Variants in ERN1 observed in about 807,000 individuals in gnomAD.
ERN1 encodes endoplasmic reticulum to nucleus signaling 1.
In ERN1, 39 loss-of-function variants were observed where a neutral mutation model predicts 113.1. The observed-to-expected ratio is 0.34, with a 90% confidence interval of 0.27 to 0.45. ERN1 has a LOEUF of 0.45. Among genes scored for constraint, ERN1 ranks in the 20% least tolerant of loss-of-function variants. The pLI is 1.00. For synonymous variants in ERN1, 507 were observed against 515.9 expected, an observed-to-expected ratio of 0.98 and a Z score of 0.23; for missense variants, 976 against 1,274.8, an observed-to-expected ratio of 0.77 and a Z score of 3.57.
At chr17:64,051,326 T>C (rs1246414198) in intron 17 of ERN1, among the ~76,000 whole-genome samples, 1 of 152,206 alleles carries the variant, frequency 6.6e-6, no homozygotes, top group South Asian at 2.1e-4. Context: ...GATATTCACA[T>C]TGTGCTGAAG....
chr17:64,110,890 G>A (rs1486327582), intron 1 of ERN1, among the ~76,000 whole-genome samples: 1 of 152,228 alleles, frequency 6.6e-6, no homozygotes, highest in Admixed American at 6.5e-5. Flanking sequence ...TCCGAGTTGA[G>A]GCTCGAAAAC....
At chr17:64,067,608 A>G (rs1300975981) in intron 7 of ERN1, among the ~76,000 whole-genome samples, 7 of 150,314 alleles carry the variant, frequency 4.7e-5, no homozygotes, top group Non-Finnish European at 1.0e-4. Flanking sequence ...ACTTGCCTCA[A>G]AAAAAAAAAC....
In ERN1 at chr17:64,075,941, C is replaced by T. The variant is rs117210455; in HGVS notation, c.283-694G>A. On this transcript the variant is annotated intron_variant, in intron 4 of 21. Coordinates refer to ENST00000433197, the MANE Select transcript of ERN1 (RefSeq NM_001433.5). ...TCAAGCTTCGAGGGAAAGGAGAAGTCGCCATTACAGGGGCAACACAAGAGT... is the reference window on the plus strand; with the variant it reads ...TCAAGCTTCGAGGGAAAGGAGAAGTTGCCATTACAGGGGCAACACAAGAGT... Among the ~76,000 whole-genome samples the T allele has an allele frequency of 1.1e-4, 16 of 152,244 alleles. No homozygotes were observed. The East Asian group carries it at 1.5e-3, about 15-fold the overall frequency.
At chr17:64,055,625 A>T (rs1487679675) in intron 13 of ERN1, 50 bp downstream of exon 13, 1 of 1,496,408 alleles carries the variant, frequency 6.7e-7, no homozygotes, top group African/African-American at 1.4e-5. Context: ...ACTTCTCAGG[A>T]GGTGCTCGAA....
At position 64,039,768 on chromosome 17, in the gene ERN1, C is replaced by T. The variant is rs796087947; in HGVS notation, c.*4220G>A. 3 of 152,308 alleles carry T rather than the reference C, an allele frequency of 2.0e-5. No individual in the cohort carries two copies. The highest frequency in any genetic ancestry group is 7.2e-5 in the African/African-American group (3 of 41,540). The allele number at this position is 152,308 out of a possible 1,614,324, so 9.4% of individuals were successfully genotyped here. A position where few individuals can be genotyped will look rare whatever the true frequency, so the allele number is the denominator to read the frequency against. On this transcript the variant is annotated 3_prime_UTR_variant, in exon 22 of 22. Coordinates refer to ENST00000433197, the MANE Select transcript of ERN1 (RefSeq NM_001433.5). ...GGACTCCCCATCACAGCTTTAGGGA[C>T]ACTGAAAAGGAATACTGTATCCACC...
rs565289778 is a variant in ERN1, at chr17:64,039,182, T to A, written c.*4806A>T. 1.8e-4 allele frequency: 27 copies of A among 152,298 alleles called. No homozygotes were observed. The highest frequency in any genetic ancestry group is 6.0e-4 in the African/African-American group (25 of 41,554). 9.4% of individuals were successfully genotyped at this position (152,298 alleles called of 1,614,324 possible). On this transcript the variant is annotated 3_prime_UTR_variant, in exon 22 of 22. Coordinates refer to ENST00000433197, the MANE Select transcript of ERN1 (RefSeq NM_001433.5). ...TACCTTTATTGTGGTTGGCTCGACA[T>A]AAGATGCCGCCATCAGCAGAATTAT...
intron 11 of ERN1, among the ~76,000 whole-genome samples, chr17:64,059,047 T>A (rs1912970663): frequency 6.6e-6 from 1 of 152,232 alleles, no homozygotes; most frequent in South Asian, 2.1e-4. Context: ...ATACAAAGAT[T>A]TGACACGTGG....
intron 19 of ERN1, among the ~76,000 whole-genome samples, chr17:64,047,244 C>G (rs1029436676): frequency 1.3e-5 from 2 of 152,156 alleles, no homozygotes; most frequent in African/African-American, 4.8e-5. Context: ...TATCTGTAAT[C>G]CCAGCTACTC....
In ERN1 at chr17:64,043,713, C is replaced by G; in HGVS notation, c.*275G>C. 2 of 353,974 alleles carry G rather than the reference C, an allele frequency of 5.7e-6. No individual in the cohort carries two copies. Among genetic ancestry groups the G allele is most frequent in the Non-Finnish European group, 1.0e-5 (2 of 197,260 alleles). The allele number at this position is 353,974 out of a possible 1,614,324, so 21.9% of individuals were successfully genotyped here. On this transcript the variant is annotated 3_prime_UTR_variant, in exon 22 of 22. Transcript: ENST00000433197. The stretch of plus-strand genomic sequence containing the variant: ...TTTATCCAGTAGATGGCTGGGGGTG[C>G]TACTCGCGCTGTCTCTGAGGCCCTC...
chr17:64,129,944 T>A (rs1419681103), intron 1 of ERN1, 32 bp downstream of exon 1: 12 of 1,413,494 alleles, frequency 8.5e-6, no homozygotes, highest in Non-Finnish European at 1.1e-5. Flanking sequence ...CGTCGCGAGC[T>A]GTCCTCCACC....
chr17:64,100,249 G>A (rs547888401), intron 1 of ERN1, among the ~76,000 whole-genome samples: 4 of 152,298 alleles, frequency 2.6e-5, no homozygotes, highest in African/African-American at 9.6e-5. Flanking sequence ...GTCTGCCACT[G>A]AGGAGGGGGA....
chr17:64,057,446 A>C (rs1020142428), intron 12 of ERN1, among the ~76,000 whole-genome samples: 3 of 151,638 alleles, frequency 2.0e-5, no homozygotes, highest in Non-Finnish European at 4.4e-5. Context: ...TCAGCTCACT[A>C]TAAGCTCCGC....
chr17:64,069,200 C>T (rs1320906482), intron 6 of ERN1, among the ~76,000 whole-genome samples: 2 of 152,168 alleles, frequency 1.3e-5, no homozygotes, highest in East Asian at 3.8e-4. Context: ...CTGCCCCCAT[C>T]AAGGGAGTTC....
chr17:64,071,245 G>A (rs898471547), intron 6 of ERN1, among the ~76,000 whole-genome samples: 3 of 152,178 alleles, frequency 2.0e-5, no homozygotes, highest in African/African-American at 7.2e-5. Context: ...AGGCTGTGAG[G>A]CTGCAGAAGA....
intron 9 of ERN1, among the ~76,000 whole-genome samples, chr17:64,064,822 C>T (rs937291662): frequency 1.3e-5 from 2 of 152,078 alleles, no homozygotes; most frequent in African/African-American, 2.4e-5. Context: ...ACAAAGGCCC[C>T]GGGGAAAGAT....
chr17:64,120,195 G>A (rs778721708), intron 1 of ERN1, among the ~76,000 whole-genome samples: 5 of 152,088 alleles, frequency 3.3e-5, no homozygotes, highest in Non-Finnish European at 5.9e-5. Flanking sequence ...GGGAAGCACC[G>A]CCTCAAGTAA....
At chr17:64,064,979 T>A (rs196938) in intron 9 of ERN1, among the ~76,000 whole-genome samples, 1 of 152,288 alleles carries the variant, frequency 6.6e-6, no homozygotes, top group South Asian at 2.1e-4. Context: ...TTAGATTTGA[T>A]CACAAAAGCA....
chr17:64,105,574 CTGTG>C (rs918434034), intron 1 of ERN1, among the ~76,000 whole-genome samples: 2 of 151,960 alleles, frequency 1.3e-5, no homozygotes, highest in African/African-American at 2.4e-5. Context: ...GGTTTTTTCT[CTGTG>C]TGTGTGTGTT....
intron 1 of ERN1, among the ~76,000 whole-genome samples, chr17:64,122,621 T>C (rs180762963): frequency 3.6e-4 from 55 of 152,286 alleles, no homozygotes; most frequent in Admixed American, 3.0e-3. Context: ...TTTTAATAAA[T>C]AGCTGAAAAC....
Sources: gnomAD v4.1 joint callset for allele counts (sites outside exome capture counted in the v4.1 genomes callset) on GRCh38, gnomAD v4.1.1 for gene constraint, MANE v1.5 for transcripts, NCBI Gene and HGNC (gene_info 2026-07-23, HGNC 2026-07-21) for gene names.